The following VRK2 variants were observed in gnomAD, a reference collection of about 807,000 sequenced individuals.
VRK2 encodes VRK serine/threonine kinase 2, also known as serine/threonine-protein kinase VRK2.
A neutral mutation model predicts 57.6 loss-of-function variants in VRK2; 60 were observed. The ratio of observed to expected loss-of-function variants is 1.04; its 90% CI spans 0.85 to 1.29. The LOEUF (loss-of-function observed/expected upper bound fraction) is 1.29, where lower values mean the gene tolerates loss of function less well. Ranked by LOEUF, VRK2 falls within the 50% of genes most tolerant of loss-of-function variation. The pLI is 0.00. For missense variants in VRK2, 705 were observed against 588.1 expected (o/e 1.20, Z -2.06); for synonymous variants, 231 against 199.2 (o/e 1.16, Z -1.35).
chr2:57,961,904 C>G (rs1233149064), intron 1 of VRK2, among the ~76,000 whole-genome samples: 1 of 152,056 alleles, frequency 6.6e-6, no homozygotes, highest in Non-Finnish European at 1.5e-5. Flanking sequence ...TGGTGAAACC[C>G]TGTCTCTACA....
At position 58,104,006 on chromosome 2, in the gene VRK2, T is replaced by C. The variant is rs149157566; in HGVS notation, c.543+14283T>C. 3.6e-4 allele frequency among the ~76,000 whole-genome samples: 55 copies of C among 151,872 alleles called. No individual in the cohort carries two copies. In the East Asian group the frequency reaches 9.7e-3, roughly 27 times the overall value. On this transcript the variant is annotated intron_variant, in intron 7 of 12. Coordinates refer to ENST00000340157, the MANE Select transcript of VRK2 (RefSeq NM_006296.7). Reference sequence around the variant, plus strand: ...TGATTATACATGCAGAAAAAAAGCATGTGATAAAATTCAGCATCTCTTCAT... The same window carrying C: ...TGATTATACATGCAGAAAAAAAGCACGTGATAAAATTCAGCATCTCTTCAT...
intron 1 of VRK2, chr2:58,018,085 A>T (rs1371408472): frequency 6.6e-6 from 1 of 152,120 alleles, no homozygotes; most frequent in Non-Finnish European, 1.5e-5. Flanking sequence ...CTGCCTCCCA[A>T]GGTAAAAGCG....
At position 58,038,906 on chromosome 2, in the gene VRK2, T is replaced by A. The variant is rs78513152; in HGVS notation, c.-6+5353T>A. On this transcript the variant is annotated intron_variant, in intron 3 of 15. Coordinates refer to the VRK2 transcript ENST00000417641. ...GAAATAAGACTGATCAACATTCTGCTTTCATGATAATTTGGAATAAAACAA... is the reference window on the plus strand; with the variant it reads ...GAAATAAGACTGATCAACATTCTGCATTCATGATAATTTGGAATAAAACAA... Among the ~76,000 whole-genome samples the A allele has an allele frequency of 7.1e-3, 1,087 of 152,256 alleles. 7 individuals carry two copies. The highest frequency in any genetic ancestry group is 0.024 in the African/African-American group (996 of 41,540).
chr2:58,085,004 G>A (rs1248074779), intron 4 of VRK2, 54 bp downstream of exon 4: 2 of 1,484,966 alleles, frequency 1.3e-6, no homozygotes, highest in Non-Finnish European at 1.8e-6. Flanking sequence ...GCTAAAGTGA[G>A]TGTTGATATT....
In VRK2 at chr2:58,072,770, T is replaced by C. The variant is rs547171830; in HGVS notation, c.137-11319T>C. ...TTTGTTATTAGGGTGATGCTGGTTT[T>C]ATAGAATTAGTTGAATGTTCCTTTG... On this transcript the variant is annotated intron_variant, in intron 2 of 12. Transcript: ENST00000340157. 1.6e-4 allele frequency among the ~76,000 whole-genome samples: 24 copies of C among 152,060 alleles called. No individual in the cohort carries two copies. In the East Asian group the frequency reaches 4.3e-3, roughly 27 times the overall value.
At chr2:58,072,789 T>G (rs1444253161) in intron 2 of VRK2, among the ~76,000 whole-genome samples, 3 of 151,968 alleles carry the variant, frequency 2.0e-5, no homozygotes, top group Admixed American at 6.6e-5. Context: ...AGTTGAATGT[T>G]CCTTTGCTTC....
intron 10 of VRK2, among the ~76,000 whole-genome samples, chr2:58,137,618 G>A (rs536297911): frequency 2.0e-5 from 3 of 152,030 alleles, no homozygotes; most frequent in South Asian, 4.2e-4. Context: ...GAAAATGAAG[G>A]AACTGATTTA....
intron 7 of VRK2, among the ~76,000 whole-genome samples, chr2:58,100,558 CAA>C (rs1239323791): frequency 6.6e-6 from 1 of 151,648 alleles, no homozygotes; most frequent in Non-Finnish European, 1.5e-5. Flanking sequence ...TTCAGATAAG[CAA>C]AGAGACTTTG....
chr2:57,967,755 T>C (rs1307603439), intron 1 of VRK2, among the ~76,000 whole-genome samples: 1 of 150,566 alleles, frequency 6.6e-6, no homozygotes, highest in Non-Finnish European at 1.5e-5. Flanking sequence ...TATTTTCTGC[T>C]CCTTAATCAG....
At chr2:57,965,856 A>G (rs974258371) in intron 1 of VRK2, among the ~76,000 whole-genome samples, 109 of 152,188 alleles carry the variant, frequency 7.2e-4, no homozygotes, top group African/African-American at 2.5e-3. Flanking sequence ...CTTATATAGC[A>G]TATATGAATG....
chr2:57,977,424 G>A (rs1394312507), intron 1 of VRK2, among the ~76,000 whole-genome samples: 1 of 152,036 alleles, frequency 6.6e-6, no homozygotes, highest in Admixed American at 6.6e-5. Context: ...TCATTGTAGA[G>A]ATCTTTCATA....
intron 12 of VRK2, among the ~76,000 whole-genome samples, chr2:58,158,722 CAT>C (rs1049156266): frequency 6.6e-6 from 1 of 152,114 alleles, no homozygotes; most frequent in African/African-American, 2.4e-5. Context: ...ATGATGAAAA[CAT>C]AGAAGTAGCT....
intron 1 of VRK2, among the ~76,000 whole-genome samples, chr2:57,963,755 A>G (rs1382888272): frequency 6.6e-6 from 1 of 152,210 alleles, no homozygotes; most frequent in Non-Finnish European, 1.5e-5. Flanking sequence ...TTCTTTTTAT[A>G]ACCAATCAAT....
At chr2:58,125,610 A>G (rs956865096) in intron 8 of VRK2, among the ~76,000 whole-genome samples, 2 of 151,086 alleles carry the variant, frequency 1.3e-5, no homozygotes, top group Non-Finnish European at 2.9e-5. Context: ...ATTTTTATCA[A>G]AGGTTTTACC....
intron 7 of VRK2, among the ~76,000 whole-genome samples, chr2:58,102,757 G>T (rs946876443): frequency 6.6e-6 from 1 of 151,362 alleles, no homozygotes; most frequent in Non-Finnish European, 1.5e-5. Context: ...GGATGAAACA[G>T]ATATTCCAAG....
chr2:57,942,563 T>C (rs1671134301), intron 1 of VRK2, among the ~76,000 whole-genome samples: 1 of 136,554 alleles, frequency 7.3e-6, no homozygotes, highest in African/African-American at 2.4e-5. Context: ...ATTTCTATGG[T>C]GGGTTTATGT....
At chr2:58,158,020 C>G (rs546661203) in intron 12 of VRK2, among the ~76,000 whole-genome samples, 23 of 152,258 alleles carry the variant, frequency 1.5e-4, no homozygotes, top group Admixed American at 3.9e-4. Flanking sequence ...AGTGCCTTGC[C>G]ATATGATGTC....
At chr2:57,976,550 A>C (rs1486036259) in intron 1 of VRK2, among the ~76,000 whole-genome samples, 1 of 151,852 alleles carries the variant, frequency 6.6e-6, no homozygotes, top group East Asian at 1.9e-4. Flanking sequence ...CTCACTTTTT[A>C]ATAGGGTTGT....
In VRK2 at chr2:57,926,519, AGTGT is replaced by A. The variant is rs1181913156; in HGVS notation, c.-439+18689_-439+18692del. ...ATATATATAGTGTGTGTATATATATAGTGTGTGTGTGTATATATATAGAGAGAGA... is the reference window on the plus strand; with the variant it reads ...ATATATATAGTGTGTGTATATATATAGTGTGTGTATATATATAGAGAGAGA... On this transcript the variant is annotated intron_variant, in intron 1 of 15. Coordinates refer to the VRK2 transcript ENST00000417641. 3.3e-5 allele frequency among the ~76,000 whole-genome samples: 5 copies of A among 149,704 alleles called. No individual in the cohort carries two copies. In the South Asian group the frequency reaches 6.3e-4, roughly 19 times the overall value.
Sources: allele counts gnomAD v4.1 joint callset (sites outside exome capture counted in the v4.1 genomes callset), GRCh38; gene constraint gnomAD v4.1.1; transcripts MANE v1.5; gene names NCBI Gene and HGNC (gene_info 2026-07-23, HGNC 2026-07-21).